The following NBEA variants were observed in gnomAD, a reference collection of about 807,000 sequenced individuals.
The protein encoded by NBEA is lysosomal-trafficking regulator 2.
In NBEA, 44 loss-of-function variants were observed where a neutral mutation model predicts 343.4. The ratio of observed to expected loss-of-function variants is 0.13; its 90% CI spans 0.10 to 0.16. The LOEUF (loss-of-function observed/expected upper bound fraction) is 0.16. Ranked by LOEUF, NBEA falls within the 10% of genes least tolerant of loss-of-function variation. The pLI is 1.00. For missense variants in NBEA, 2,555 were observed against 3,631.3 expected (o/e 0.70, Z 7.62); for synonymous variants, 1,175 against 1,238.7 (o/e 0.95, Z 1.08).
chr13:35,453,215 A>C (rs577801283), intron 40 of NBEA, among the ~76,000 whole-genome samples: 1 of 152,338 alleles, frequency 6.6e-6, no homozygotes, highest in East Asian at 1.9e-4. Context: ...AAGAGATGTT[A>C]CTGTTAATTA....
At chr13:35,085,773 G>A (rs2064722016) in intron 10 of NBEA, among the ~76,000 whole-genome samples, 1 of 152,084 alleles carries the variant, frequency 6.6e-6, no homozygotes, top group African/African-American at 2.4e-5. Flanking sequence ...TATTCAATTA[G>A]GAAAAGAGAA....
Position 35,211,203 on chromosome 13 carries a change from A to AT in NBEA, c.5648+28dup, listed in dbSNP as rs1411273673. ...AGGTATGCATGACTACTTTTTATTC[A>AT]TTTTAACTCTTTTTAAATGTAGTGA... On this transcript the variant is annotated intron_variant, in intron 33 of 58. Transcript: ENST00000379939. 4.6e-6 allele frequency: 7 copies of AT among 1,530,432 alleles called. No homozygotes were observed. In the African/African-American group the frequency reaches 8.3e-5, roughly 18 times the overall value. The allele number at this position is 1,530,432 out of a possible 1,614,324, so 94.8% of individuals were successfully genotyped here.
intron 1 of NBEA, among the ~76,000 whole-genome samples, 174 bp from the exon 2 acceptor site, chr13:35,040,759 C>G (rs2062620803): frequency 6.6e-6 from 1 of 152,052 alleles, no homozygotes; most frequent in Non-Finnish European, 1.5e-5. Context: ...AGTTTCGATG[C>G]TCACAATGCC....
intron 40 of NBEA, among the ~76,000 whole-genome samples, chr13:35,465,689 A>G (rs1393606401): frequency 6.6e-6 from 1 of 152,202 alleles, no homozygotes; most frequent in Non-Finnish European, 1.5e-5. Flanking sequence ...TTCACACTGA[A>G]CATTGAAACT....
intron 41 of NBEA, among the ~76,000 whole-genome samples, chr13:35,501,956 T>C (rs909119974): frequency 2.6e-5 from 4 of 152,094 alleles, no homozygotes; most frequent in African/African-American, 9.7e-5. Context: ...CACGTGAACA[T>C]CCTTCCACAG....
chr13:35,400,350 A>G (rs755895681), intron 38 of NBEA, among the ~76,000 whole-genome samples: 13 of 151,946 alleles, frequency 8.6e-5, no homozygotes, highest in Non-Finnish European at 1.5e-4. Context: ...GGGTATTAAA[A>G]CATATATCAT....
intron 17 of NBEA, among the ~76,000 whole-genome samples, chr13:35,135,911 C>T (rs2067697911): frequency 6.6e-6 from 1 of 151,486 alleles, no homozygotes; most frequent in African/African-American, 2.4e-5. Context: ...ACACCCAGCC[C>T]CCTCCCCCCT....
At chr13:35,150,097 A>G (rs2068682486) in intron 18 of NBEA, among the ~76,000 whole-genome samples, 1 of 152,216 alleles carries the variant, frequency 6.6e-6, no homozygotes, top group Admixed American at 6.5e-5. Context: ...GATGAGGCAG[A>G]GCTCCTGAAA....
intron 40 of NBEA, among the ~76,000 whole-genome samples, chr13:35,453,139 G>C (rs1182715103): frequency 6.6e-6 from 1 of 152,060 alleles, no homozygotes; most frequent in Non-Finnish European, 1.5e-5. Flanking sequence ...AAATTATCTG[G>C]CATGGCTTTA....
At chr13:35,061,424 G>A (rs1247616764) in intron 8 of NBEA, among the ~76,000 whole-genome samples, 1 of 151,606 alleles carries the variant, frequency 6.6e-6, no homozygotes, top group Admixed American at 6.6e-5. Flanking sequence ...TCTATTTGGG[G>A]TTATTTAATG....
chr13:35,186,763 A>G (rs940437217), intron 30 of NBEA: 1 of 152,154 alleles, frequency 6.6e-6, no homozygotes, highest in Non-Finnish European at 1.5e-5. Context: ...CTCTTTACCT[A>G]AAATTTTTTG....
At chr13:35,667,327 G>A (rs201885825) in intron 56 of NBEA, 47 bp from the exon 57 acceptor site, 159 of 1,531,906 alleles carry the variant, frequency 1.0e-4, no homozygotes, top group Admixed American at 6.4e-4. Flanking sequence ...CTAGTATGTC[G>A]TTTGTCGTCC....
intron 29 of NBEA, among the ~76,000 whole-genome samples, chr13:35,183,428 G>T (rs1284797592): frequency 6.6e-6 from 1 of 151,912 alleles, no homozygotes; most frequent in Non-Finnish European, 1.5e-5. Context: ...TCAAATCTCT[G>T]CATCTTGTTT....
intron 41 of NBEA, among the ~76,000 whole-genome samples, chr13:35,540,247 A>G (rs2078759489): frequency 6.6e-6 from 1 of 152,118 alleles, no homozygotes; most frequent in African/African-American, 2.4e-5. Context: ...AAGAAAATAA[A>G]TAAGTCTATA....
intron 41 of NBEA, among the ~76,000 whole-genome samples, chr13:35,542,936 A>C (rs1032227457): frequency 6.6e-6 from 1 of 151,778 alleles, no homozygotes; most frequent in African/African-American, 2.4e-5. Flanking sequence ...CCTTCCCCCA[A>C]ATTTACCTAA....
chr13:35,652,598 A>G (rs1340780858), intron 53 of NBEA, among the ~76,000 whole-genome samples: 16 of 140,780 alleles, frequency 1.1e-4, no homozygotes, highest in East Asian at 2.4e-4. Context: ...CCAAGATGGC[A>G]CCACTGCACT....
At chr13:35,644,780 C>A (rs891170823) in intron 49 of NBEA, among the ~76,000 whole-genome samples, 1 of 152,180 alleles carries the variant, frequency 6.6e-6, no homozygotes, top group African/African-American at 2.4e-5. Flanking sequence ...GGTCTCTTCC[C>A]CCTTTTATAA....
Position 35,139,095 on chromosome 13 carries a change from C to G in NBEA, c.2337-3174C>G, listed in dbSNP as rs543447883. ...TTTTTTTTTGAGACAGAGCCTAACT[C>G]TGTTGCCCAGGCTGGAGTGCAGTGA... is the stretch of plus-strand genomic sequence containing the variant. On this transcript the variant is annotated intron_variant, in intron 17 of 58. Transcript: ENST00000379939. 8.1e-5 allele frequency among the ~76,000 whole-genome samples: 9 copies of G among 110,884 alleles called. No homozygotes were observed. The South Asian group carries it at 2.8e-3, about 35-fold the overall frequency. 72.7% of individuals were successfully genotyped at this position (110,884 alleles called of 152,430 possible).
chr13:34,974,997 T>C (rs1054083769), intron 1 of NBEA, among the ~76,000 whole-genome samples: 1 of 152,184 alleles, frequency 6.6e-6, no homozygotes. Context: ...AGGCTAAGCA[T>C]GTAGTCCTCA....
Sources: allele counts gnomAD v4.1 joint callset (sites outside exome capture counted in the v4.1 genomes callset), GRCh38; gene constraint gnomAD v4.1.1; transcripts MANE v1.5; gene names NCBI Gene and HGNC (gene_info 2026-07-23, HGNC 2026-07-21).